BTRC: variants seen among roughly 807,000 people sequenced by gnomAD.
The protein encoded by BTRC is beta-transducin repeat containing E3 ubiquitin protein ligase, also known as F-box/WD repeat-containing protein 1A.
A neutral mutation model predicts 85.5 loss-of-function variants in BTRC; 42 were observed. The ratio of observed to expected loss-of-function variants is 0.49; its 90% confidence interval spans 0.38 to 0.64. The LOEUF is 0.64. Among genes scored for constraint, BTRC ranks in the 30% least tolerant of loss-of-function variants. BTRC has a pLI of 0.00. For missense variants in BTRC, 594 were observed against 743.5 expected, an observed-to-expected ratio of 0.80 and a Z score of 2.34; for synonymous variants, 255 against 263.3, an observed-to-expected ratio of 0.97 and a Z score of 0.30.
chr10:101,427,959 G>T (rs1944304563), intron 1 of BTRC, among the ~76,000 whole-genome samples: 2 of 152,106 alleles, frequency 1.3e-5, no homozygotes, highest in African/African-American at 4.8e-5. Context: ...TACGTATAAA[G>T]AAGTAATATG....
intron 1 of BTRC, among the ~76,000 whole-genome samples, chr10:101,394,822 G>A (rs1043631153): frequency 1.3e-5 from 2 of 152,162 alleles, no homozygotes; most frequent in Non-Finnish European, 2.9e-5. Context: ...TCCAGCAGGT[G>A]TAGCAGCAAA....
intron 13 of BTRC, among the ~76,000 whole-genome samples, chr10:101,545,024 G>C (rs1272236298): frequency 6.6e-6 from 1 of 151,240 alleles, no homozygotes; most frequent in Non-Finnish European, 1.5e-5. Context: ...CTGCACTCCA[G>C]CTTGGGTGAG....
chr10:101,544,059 G>A lies in BTRC; in HGVS notation c.1656+5688G>A, dbSNP rs546561546. ...AGAGTAGCTGGGACTACAGGCGCCC[G>A]CCACCACACCCAGCTAATTTTTTGT... On this transcript the variant is annotated intron_variant, in intron 13 of 14. Transcript: ENST00000370187. Among the ~76,000 whole-genome samples the A allele has an allele frequency of 2.4e-4, 36 of 152,100 alleles. No individual in the cohort carries two copies. In the South Asian group the frequency reaches 5.4e-3, roughly 23 times the overall value.
chr10:101,432,050 G>A (rs1194301312), intron 2 of BTRC, among the ~76,000 whole-genome samples: 2 of 151,900 alleles, frequency 1.3e-5, no homozygotes, highest in Non-Finnish European at 2.9e-5. Flanking sequence ...TATCATGATC[G>A]TTATAAACAT....
chr10:101,447,216 G>T, intron 2 of BTRC, among the ~76,000 whole-genome samples: 1 of 152,130 alleles, frequency 6.6e-6, no homozygotes, highest in East Asian at 1.9e-4. Context: ...CATGACCTCT[G>T]TTATTCTTGA....
chr10:101,513,355 A>G (rs2061980685), intron 4 of BTRC, among the ~76,000 whole-genome samples: 1 of 152,196 alleles, frequency 6.6e-6, no homozygotes, highest in Non-Finnish European at 1.5e-5. Flanking sequence ...ATATAGTTCA[A>G]TGAATGTTGG....
chr10:101,372,999 ATG>A (rs1942683313), intron 1 of BTRC, among the ~76,000 whole-genome samples: 1 of 152,206 alleles, frequency 6.6e-6, no homozygotes. Flanking sequence ...CACAAAAATG[ATG>A]TGTCTTTCCA....
chr10:101,481,128 G>T (rs1245320782), intron 4 of BTRC, among the ~76,000 whole-genome samples: 1 of 151,922 alleles, frequency 6.6e-6, no homozygotes, highest in Non-Finnish European at 1.5e-5. Flanking sequence ...TTGTTTTGTA[G>T]AGATGAGGTG....
chr10:101,419,723 A>G (rs754250101), intron 1 of BTRC, among the ~76,000 whole-genome samples: 1 of 152,222 alleles, frequency 6.6e-6, no homozygotes, highest in Non-Finnish European at 1.5e-5. Context: ...GGTGGGAAAC[A>G]TCGGGGGGCA....
At chr10:101,514,939 T>C (rs1391408734) in intron 4 of BTRC, among the ~76,000 whole-genome samples, 1 of 152,140 alleles carries the variant, frequency 6.6e-6, no homozygotes, top group Non-Finnish European at 1.5e-5. Flanking sequence ...GGTTTTGTGG[T>C]TTTTTAGGGT....
Position 101,532,750 on chromosome 10 carries a change from A to ATGTGTGTGTGTGTG in BTRC, c.979-175_979-162dup, listed in dbSNP as rs71643587. On this transcript the variant is annotated intron_variant, in intron 8 of 14. Transcript: ENST00000370187. ...AAGTTTGCATTAGTACTGAAGCTAT[A>ATGTGTGTGTGTGTG]TGTGTGTGTGTGTGTGTGTGTGTGT... 2.3e-3 allele frequency among the ~76,000 whole-genome samples: 239 copies of ATGTGTGTGTGTGTG among 102,226 alleles called. 1 individual carries two copies. Among genetic ancestry groups the ATGTGTGTGTGTGTG allele is most frequent in the Non-Finnish European group, 2.9e-3 (153 of 53,006 alleles). 67.1% of individuals were successfully genotyped at this position (102,226 alleles called of 152,430 possible). A position where few individuals can be genotyped will look rare whatever the true frequency, so the allele number is the denominator to read the frequency against.
At chr10:101,359,497 G>A (rs1213791532) in intron 1 of BTRC, among the ~76,000 whole-genome samples, 1 of 151,800 alleles carries the variant, frequency 6.6e-6, no homozygotes, top group Non-Finnish European at 1.5e-5. Flanking sequence ...GCACAATTTC[G>A]GTTCACTGCA....
intron 7 of BTRC, 134 bp downstream of exon 7, chr10:101,531,467 G>T: frequency 1.5e-6 from 1 of 655,406 alleles, no homozygotes; most frequent in Non-Finnish European, 2.5e-6. Flanking sequence ...GCTGGCCATG[G>T]TGGCTCACAC....
Position 101,521,592 on chromosome 10 carries a change from A to G in BTRC, c.325-47A>G, listed in dbSNP as rs917171959. ...CCAGAAAATCATATATATTTCCCTC[A>G]TTTTCAATACTAATCATTTTATGTT... On this transcript the variant is annotated intron_variant, in intron 4 of 14. Transcript: ENST00000370187. The G allele has an allele frequency of 1.3e-5, 18 of 1,368,458 alleles. No individual in the cohort carries two copies. The African/African-American group carries it at 2.2e-4, about 16-fold the overall frequency. 84.8% of individuals were successfully genotyped at this position (1,368,458 alleles called of 1,614,324 possible).
rs138270273 is a variant in BTRC, at chr10:101,477,909, C to T, written c.235-1459C>T. On this transcript the variant is annotated intron_variant, in intron 3 of 14. Coordinates refer to ENST00000370187, the MANE Select transcript of BTRC (RefSeq NM_033637.4). ...AGGCGATCTTCCCACCTCGGCTTCC[C>T]AAAGTGTTAGGATTACAGGTATGAG... is the stretch of plus-strand genomic sequence containing the variant. Among the ~76,000 whole-genome samples, 1,422 of 152,206 alleles carry T rather than the reference C, an allele frequency of 9.3e-3. 26 individuals are homozygous for T. The highest frequency in any genetic ancestry group is 0.032 in the African/African-American group (1,341 of 41,542).
intron 2 of BTRC, among the ~76,000 whole-genome samples, chr10:101,445,247 T>C (rs930713703): frequency 2.6e-5 from 4 of 152,172 alleles, no homozygotes; most frequent in Admixed American, 2.6e-4. Flanking sequence ...GATTGTATAT[T>C]TGTAGGAGTA....
At chr10:101,398,542 A>G (rs369389329) in intron 1 of BTRC, among the ~76,000 whole-genome samples, 30 of 152,082 alleles carry the variant, frequency 2.0e-4, no homozygotes, top group African/African-American at 7.0e-4. Context: ...TGACCTCGTG[A>G]TCTGCCTGCC....
chr10:101,489,511 T>C (rs1946075310), intron 4 of BTRC, among the ~76,000 whole-genome samples: 1 of 152,184 alleles, frequency 6.6e-6, no homozygotes, highest in Non-Finnish European at 1.5e-5. Context: ...TGAATAAATA[T>C]GTTCTTAGTC....
chr10:101,505,167 A>G (rs1212915078), intron 4 of BTRC, among the ~76,000 whole-genome samples: 1 of 127,448 alleles, frequency 7.8e-6, no homozygotes, highest in Non-Finnish European at 1.7e-5. Flanking sequence ...GTATATATAT[A>G]TATATATATA....
Sources: gnomAD v4.1 joint callset for allele counts (sites outside exome capture counted in the v4.1 genomes callset) on GRCh38, gnomAD v4.1.1 for gene constraint, MANE v1.5 for transcripts, NCBI Gene and HGNC (gene_info 2026-07-23, HGNC 2026-07-21) for gene names.